Variants in LUZP4 observed in about 807,000 individuals in gnomAD.
LUZP4 encodes the protein leucine zipper protein 4, also known as HOM-TES-85 tumor antigen.
Under a neutral mutation model 8.5 loss-of-function variants are expected in LUZP4, and 11 were observed. That is an observed-to-expected ratio of 1.30 (90% CI 0.82 to 2.14). The LOEUF (loss-of-function observed/expected upper bound fraction) is 2.14. Among genes scored for constraint, LUZP4 ranks in the 30% most tolerant of loss-of-function variants. The pLI is 0.00. For synonymous variants in LUZP4, 104 were observed against 79.4 expected, an observed-to-expected ratio of 1.31 and a Z score of -1.65; for missense variants, 276 against 229.7, an observed-to-expected ratio of 1.20 and a Z score of -1.30.
Position 115,303,436 on chromosome X carries a change from A to G in LUZP4, c.342+18A>G, listed in dbSNP as rs782020249. On this transcript the variant is annotated intron_variant, in intron 3 of 3. Coordinates refer to ENST00000371920, the MANE Select transcript of LUZP4 (RefSeq NM_016383.5). ...TTGAGCAGGTAGATAAGTACCAAGAATTAACCAATATTAAAAATCCTACAT... is the reference window on the plus strand; with the variant it reads ...TTGAGCAGGTAGATAAGTACCAAGAGTTAACCAATATTAAAAATCCTACAT... 16 of 829,543 alleles carry G rather than the reference A, an allele frequency of 1.9e-5. No homozygotes were observed. Among genetic ancestry groups the G allele is most frequent in the Non-Finnish European group, 2.6e-5 (15 of 588,224 alleles). 68.4% of individuals were successfully genotyped at this position (829,543 alleles called of 1,213,427 possible).
In LUZP4 at chrX:115,302,127, A is replaced by C; in HGVS notation, c.223+4A>C. ...CATAGACATCGCCATCGGAGAGGTA[A>C]AGTATGCTGAAAATAGTCACACGTG... On this transcript the variant is annotated splice_donor_region_variant and intron_variant, in intron 2 of 3. Transcript: ENST00000371920. 1 of 1,171,548 alleles carries C rather than the reference A, an allele frequency of 8.5e-7. No individual in the cohort carries two copies. The highest frequency in any genetic ancestry group is 1.1e-6 in the Non-Finnish European group (1 of 879,720).
chrX:115,305,073 A>G (rs1167457725), intron 3 of LUZP4, among the ~76,000 whole-genome samples: 2 of 111,839 alleles, frequency 1.8e-5, no homozygotes, highest in Non-Finnish European at 3.8e-5. Flanking sequence ...TACATAGTAC[A>G]TTTCTTATAT....
intron 1 of LUZP4, among the ~76,000 whole-genome samples, chrX:115,292,084 C>T (rs183348897): frequency 1.1e-3 from 126 of 112,371 alleles, no homozygotes; most frequent in African/African-American, 4.0e-3. Context: ...CCTCACCCGG[C>T]CTAAACTTTC....
At chrX:115,299,452 A>G (rs924223173) in intron 1 of LUZP4, among the ~76,000 whole-genome samples, 3 of 111,534 alleles carry the variant, frequency 2.7e-5, no homozygotes, top group Non-Finnish European at 5.7e-5. Flanking sequence ...CAAAAACCTT[A>G]GAAGTCTACC....
chrX:115,299,685 G>A (rs1463357300), intron 1 of LUZP4, among the ~76,000 whole-genome samples: 1 of 110,910 alleles, frequency 9.0e-6, no homozygotes, highest in East Asian at 2.9e-4. Context: ...ACCCTTCAGA[G>A]CAGTGAGCTC....
intron 3 of LUZP4, among the ~76,000 whole-genome samples, chrX:115,305,533 T>C (rs1337192438): frequency 8.9e-6 from 1 of 111,962 alleles, no homozygotes; most frequent in African/African-American, 3.2e-5. Flanking sequence ...TATGACTTTA[T>C]CCACTTACAT....
intron 1 of LUZP4, among the ~76,000 whole-genome samples, chrX:115,301,561 A>G (rs188889082): frequency 8.9e-6 from 1 of 111,985 alleles, no homozygotes; most frequent in East Asian, 2.8e-4. Flanking sequence ...CTAATTGTCT[A>G]TCACATTTAA....
At chrX:115,297,419 C>T (rs1172546330) in intron 1 of LUZP4, among the ~76,000 whole-genome samples, 1 of 111,967 alleles carries the variant, frequency 8.9e-6, no homozygotes, top group African/African-American at 3.2e-5. Flanking sequence ...TTGAAGCACT[C>T]CCTTTAGCAT....
In LUZP4 at chrX:115,306,132, G is replaced by A. The variant is rs782243830; in HGVS notation, c.343-73G>A. 708 of 1,054,288 alleles carry A rather than the reference G, an allele frequency of 6.7e-4. 1 individual carries two copies. Among genetic ancestry groups the A allele is most frequent in the Non-Finnish European group, 8.4e-4 (656 of 784,201 alleles). 86.9% of individuals were successfully genotyped at this position (1,054,288 alleles called of 1,213,427 possible). A position where few individuals can be genotyped will look rare whatever the true frequency, so the allele number is the denominator to read the frequency against. On this transcript the variant is annotated intron_variant, in intron 3 of 3. Transcript: ENST00000371920. Reference sequence around the variant, plus strand: ...AATAGTTGCCCATAAAAATGGTCTTGAGAATATATCATTATGACTTAAATC... The same window carrying A: ...AATAGTTGCCCATAAAAATGGTCTTAAGAATATATCATTATGACTTAAATC...
intron 1 of LUZP4, 48 bp from the exon 2 acceptor site, chrX:115,301,944 A>G: frequency 1.1e-6 from 1 of 929,436 alleles, no homozygotes; most frequent in Non-Finnish European, 1.5e-6. Context: ...TCGAGACATT[A>G]TTTGGCTTTT....
chrX:115,300,171 ACCACTCCCTTG>A (rs1556600868), intron 1 of LUZP4, among the ~76,000 whole-genome samples: 1 of 111,175 alleles, frequency 9.0e-6, no homozygotes, highest in African/African-American at 3.3e-5. Context: ...GGGCGATGCC[ACCACTCCCTTG>A]GCTGCCCCAG....
In LUZP4 at chrX:115,302,109, A is replaced by G; in HGVS notation, c.209A>G (p.His70Arg). 4.2e-6 allele frequency: 5 copies of G among 1,190,264 alleles called. No individual in the cohort carries two copies. Among genetic ancestry groups the G allele is most frequent in the Middle Eastern group, 2.3e-4 (1 of 4,259 alleles). ...PSRQQSKAHR[H>R]RHRRGYSRCR... ...AGACAGCAATCAAAAGCTCATAGAC[A>G]TCGCCATCGGAGAGGTAAAGTATGC... is the stretch of plus-strand genomic sequence containing the variant. Residue 70 changes from histidine to arginine, a missense_variant, in exon 2 of 4, where the codon CAT becomes CGT. Transcript: ENST00000371920.
At chrX:115,291,637 G>A (rs1323671033) in intron 1 of LUZP4, among the ~76,000 whole-genome samples, 15 of 110,954 alleles carry the variant, frequency 1.4e-4, no homozygotes, top group Admixed American at 1.1e-3. Flanking sequence ...AATGAAGAGG[G>A]TCAGCTGGGC....
chrX:115,301,000 G>C (rs2073394836), intron 1 of LUZP4, among the ~76,000 whole-genome samples: 1 of 110,610 alleles, frequency 9.0e-6, no homozygotes, highest in African/African-American at 3.3e-5. Context: ...CTGCCATCTT[G>C]CTTCCTATCC....
rs782430822 is a variant in LUZP4 at position 115,303,300 on chromosome X, G to T, written c.224G>T (p.Gly75Val). The change falls in exon 3 of 4, where the codon GGC becomes GTC. Residue 75 changes from glycine to valine, a missense_variant and splice_region_variant. Physicochemically the swap from Gly to Val is moderately radical, Grantham distance 109 (BLOSUM62 -3). Transcript: ENST00000371920. Reference protein sequence around the residue: ...SKAHRHRHRRGYSRCRSNSEE... With the variant: ...SKAHRHRHRRVYSRCRSNSEE... ...TACAGAAAATATTTATTTTTCAAAG[G>T]CTACTCAAGATGCAGAAGCAACTCT... 6.6e-6 allele frequency: 7 copies of T among 1,054,536 alleles called. No individual in the cohort carries two copies. In the South Asian group the frequency reaches 1.3e-4, roughly 19 times the overall value. The allele number at this position is 1,054,536 out of a possible 1,213,427, so 86.9% of individuals were successfully genotyped here. A position where few individuals can be genotyped will look rare whatever the true frequency, so the allele number is the denominator to read the frequency against.
chrX:115,297,582 C>G (rs1432110718), intron 1 of LUZP4, among the ~76,000 whole-genome samples: 2 of 111,886 alleles, frequency 1.8e-5, no homozygotes, highest in Non-Finnish European at 3.8e-5. Context: ...TCAGCCCACT[C>G]TCTCCTGGCC....
rs2073427396 is a variant in LUZP4, at chrX:115,307,111, C to G, written c.*307C>G. ...TATTTTGACTTAGTGTCCTGTCCCC[C>G]TTGGACGTTCCAACTTGACTTAGTG... On this transcript the variant is annotated 3_prime_UTR_variant, in exon 4 of 4. Coordinates refer to ENST00000371920, the MANE Select transcript of LUZP4 (RefSeq NM_016383.5). 1 of 265,781 alleles carries G rather than the reference C, an allele frequency of 3.8e-6. No homozygotes were observed. The highest frequency in any genetic ancestry group is 6.7e-6 in the Non-Finnish European group (1 of 148,774). The allele number at this position is 265,781 out of a possible 1,213,427, so 21.9% of individuals were successfully genotyped here.
rs1207235381 is a variant in LUZP4, at chrX:115,306,866, C to T, written c.*62C>T. The T allele has an allele frequency of 2.0e-6, 2 of 1,008,364 alleles. No individual in the cohort carries two copies. Among genetic ancestry groups the T allele is most frequent in the Non-Finnish European group, 2.7e-6 (2 of 728,365 alleles). 83.1% of individuals were successfully genotyped at this position (1,008,364 alleles called of 1,213,427 possible). ...AAAGCATATATCTATATTCTAATGG[C>T]TAAATATGTATTTGTTGAAACATGT... On this transcript the variant is annotated 3_prime_UTR_variant, in exon 4 of 4. Coordinates refer to ENST00000371920, the MANE Select transcript of LUZP4 (RefSeq NM_016383.5).
chrX:115,307,551 T>C lies in LUZP4; in HGVS notation c.*747T>C, dbSNP rs1173844756. 8.9e-6 allele frequency: 1 copy of C among 112,372 alleles called. No individual in the cohort carries two copies. Among genetic ancestry groups the C allele is most frequent in the Non-Finnish European group, 1.9e-5 (1 of 53,319 alleles). The allele number at this position is 112,372 out of a possible 1,213,427, so 9.3% of individuals were successfully genotyped here. ...TTTGGTTATTCAATAAAAGTTTTAG[T>C]TTTAATTTCTCAGTGATTGCCTTGT... On this transcript the variant is annotated 3_prime_UTR_variant, in exon 4 of 4. Transcript: ENST00000371920.
Sources: allele counts gnomAD v4.1 joint callset (sites outside exome capture counted in the v4.1 genomes callset), GRCh38; gene constraint gnomAD v4.1.1; transcripts MANE v1.5; gene names NCBI Gene and HGNC (gene_info 2026-07-23, HGNC 2026-07-21).